ZNF846: variants seen among roughly 807,000 people sequenced by gnomAD.
The protein encoded by ZNF846 is zinc finger protein 846.
ZNF846 carries 15 observed loss-of-function variants against 16.0 expected under a neutral mutation model. The observed-to-expected ratio is 0.94, with a 90% CI of 0.63 to 1.45. The LOEUF (loss-of-function observed/expected upper bound fraction) is 1.45. Ranked by LOEUF, ZNF846 falls within the 40% of genes most tolerant of loss-of-function variation. The pLI, the probability that ZNF846 is intolerant of heterozygous loss-of-function variation, is 0.00. For missense variants in ZNF846, 714 were observed against 622.3 expected (o/e 1.15, Z -1.57); for synonymous variants, 229 against 212.0 (o/e 1.08, Z -0.70).
rs1316801859 is a variant in ZNF846 at position 9,758,488 on chromosome 19, A to AT, written c.588dup (p.Leu197IlefsTer3). 3.1e-6 allele frequency: 5 copies of AT among 1,613,434 alleles called. No homozygotes were observed. The highest frequency in any genetic ancestry group is 4.2e-6 in the Non-Finnish European group (5 of 1,180,008). ...CTCCAACAGTCTTTGCATTCACACA[A>AT]TTTCTCTTGTGTGTGAGTTTTATTC... is the stretch of plus-strand genomic sequence containing the variant. On this transcript the variant is annotated frameshift_variant, in exon 6 of 6. Coordinates refer to ENST00000397902, the Ensembl canonical transcript of ZNF846. LOFTEE classifies it low-confidence loss of function (END_TRUNC).
chr19:9,783,667 C>T (rs953412327), intron 1 of ZNF846, among the ~76,000 whole-genome samples: 6 of 149,100 alleles, frequency 4.0e-5, no homozygotes, highest in Non-Finnish European at 5.9e-5. Context: ...GTGTGAGTCA[C>T]CGTGTCCGGC....
At chr19:9,753,231 T>TATTTATTC (rs2145161271), downstream of ZNF846, among the ~76,000 whole-genome samples, 1 of 112,712 alleles carries the variant, frequency 8.9e-6, no homozygotes, top group East Asian at 2.0e-4. Context: ...TTTATTTATT[T>TATTTATTC]ATTTATTTAT....
At chr19:9,759,455 C>A (rs1025865688) in intron 5 of ZNF846, among the ~76,000 whole-genome samples, 4 of 151,332 alleles carry the variant, frequency 2.6e-5, no homozygotes, top group Non-Finnish European at 5.9e-5. Flanking sequence ...AAAAAATAAT[C>A]AGCCAGGCAT....
intron 1 of ZNF846, among the ~76,000 whole-genome samples, chr19:9,778,197 G>T (rs2045466319): frequency 6.6e-6 from 1 of 152,130 alleles, no homozygotes; most frequent in Non-Finnish European, 1.5e-5. Flanking sequence ...TCAAGAAAAT[G>T]ATGTATGAAC....
chr19:9,776,037 C>A (rs1290370671), intron 1 of ZNF846, among the ~76,000 whole-genome samples: 1 of 152,188 alleles, frequency 6.6e-6, no homozygotes, highest in Non-Finnish European at 1.5e-5. Context: ...AGAGTGCAAG[C>A]CTTCTGTTAT....
At chr19:9,754,698 G>A (rs545911489), downstream of ZNF846, among the ~76,000 whole-genome samples, 1 of 148,610 alleles carries the variant, frequency 6.7e-6, no homozygotes, top group Non-Finnish European at 1.5e-5. Context: ...CAATAAAAAA[G>A]ACTCATTTTG....
chr19:9,773,400 A>G (rs2045405591), upstream of ZNF846, among the ~76,000 whole-genome samples: 3 of 152,162 alleles, frequency 2.0e-5, no homozygotes, highest in Admixed American at 1.3e-4. Flanking sequence ...GATTGCCTGT[A>G]CCTATAGCTG....
At chr19:9,782,155 A>C (rs1031611438) in intron 1 of ZNF846, among the ~76,000 whole-genome samples, 2 of 152,092 alleles carry the variant, frequency 1.3e-5, no homozygotes, top group African/African-American at 4.8e-5. Context: ...CAGAATACAG[A>C]GTGATTGCTG....
intron 1 of ZNF846, among the ~76,000 whole-genome samples, chr19:9,783,768 C>G (rs944022703): frequency 6.6e-6 from 1 of 151,134 alleles, no homozygotes; most frequent in Non-Finnish European, 1.5e-5. Flanking sequence ...TGTTCACCAC[C>G]ACCTCAACCT....
At chr19:9,779,332 G>A (rs538761749) in intron 1 of ZNF846, among the ~76,000 whole-genome samples, 7 of 152,158 alleles carry the variant, frequency 4.6e-5, no homozygotes, top group South Asian at 2.1e-4. Context: ...GTAATAACAC[G>A]ATCATGGCTT....
At chr19:9,777,827 T>A (rs920704341) in intron 1 of ZNF846, among the ~76,000 whole-genome samples, 1 of 151,742 alleles carries the variant, frequency 6.6e-6, no homozygotes, top group Admixed American at 6.6e-5. Context: ...CAAAACCCCA[T>A]CTCTACTAAA....
intron 1 of ZNF846, among the ~76,000 whole-genome samples, chr19:9,777,548 G>A (rs1045058999): frequency 2.6e-5 from 4 of 151,912 alleles, no homozygotes; most frequent in African/African-American, 9.7e-5. Flanking sequence ...GCATGTGCCT[G>A]TAATCCCAGC....
intron 1 of ZNF846, among the ~76,000 whole-genome samples, chr19:9,767,790 C>T (rs1212005502): frequency 2.0e-5 from 3 of 152,002 alleles, no homozygotes; most frequent in East Asian, 1.9e-4. Flanking sequence ...CAAAATTAGC[C>T]GGGCGTGGTG....
At chr19:9,765,108 C>T in intron 1 of ZNF846, 73 bp from the exon 2 acceptor site, 1 of 807,744 alleles carries the variant, frequency 1.2e-6, no homozygotes, top group Non-Finnish European at 2.1e-6. Flanking sequence ...CATGGTGGCT[C>T]ATGCCTGTAA....
exon 6 of ZNF846, chr19:9,758,054 C>T: frequency 7.4e-6 from 12 of 1,613,252 alleles, no homozygotes; most frequent in Non-Finnish European, 1.0e-5. Flanking sequence ...TTCCACACTC[C>T]TTACATTCAT....
At chr19:9,758,562 C>G (rs1461336908) in exon 6 of ZNF846, 1 of 1,612,868 alleles carries the variant, frequency 6.2e-7, no homozygotes, top group Non-Finnish European at 8.5e-7. Flanking sequence ...ATGTTTAACA[C>G]ACTTAGGCAT....
rs746548132 is a variant in ZNF846 at position 9,758,640 on chromosome 19, T to C, written c.437A>G (p.Gln146Arg). The C allele has an allele frequency of 1.7e-5, 28 of 1,613,186 alleles. No homozygotes were observed. Among genetic ancestry groups the C allele is most frequent in the Middle Eastern group, 1.6e-4 (1 of 6,078 alleles). ...GTTCTTTCTTAAGGCTTTTCCACTCTGATTATCCTCAGAAGTTTTCTCTCC... is the reference window on the plus strand; with the variant it reads ...GTTCTTTCTTAAGGCTTTTCCACTCCGATTATCCTCAGAAGTTTTCTCTCC... Residue 146 changes from glutamine to arginine, a missense_variant, in exon 6 of 6, where the codon CAG becomes CGG. Coordinates refer to ENST00000397902, the Ensembl canonical transcript of ZNF846.
chr19:9,780,035 C>T (rs911320621), intron 1 of ZNF846, among the ~76,000 whole-genome samples: 1 of 150,834 alleles, frequency 6.6e-6, no homozygotes, highest in African/African-American at 2.4e-5. Context: ...TGCCACCATG[C>T]CCAGCTAATT....
chr19:9,780,048 G>GTTTGTTTT (rs2045485619), intron 1 of ZNF846, among the ~76,000 whole-genome samples: 3 of 124,310 alleles, frequency 2.4e-5, no homozygotes, highest in African/African-American at 1.0e-4. Flanking sequence ...AGCTAATTTT[G>GTTTGTTTT]TTTTTTTTTT....
Sources: allele counts gnomAD v4.1 joint callset (sites outside exome capture counted in the v4.1 genomes callset), GRCh38; gene constraint gnomAD v4.1.1; transcripts MANE v1.5; gene names NCBI Gene and HGNC (gene_info 2026-07-23, HGNC 2026-07-21).